Variants in SMAD4 observed in about 807,000 individuals in gnomAD.
SMAD4 encodes MAD homolog 4.
A neutral mutation model predicts 63.2 loss-of-function variants in SMAD4; 7 were observed. The observed-to-expected ratio is 0.11, with a 90% CI of 0.06 to 0.21. The LOEUF is 0.21. SMAD4 is among the 10% of genes least tolerant of loss of function. The pLI is 1.00. For synonymous variants in SMAD4, 215 were observed against 235.4 expected, an observed-to-expected ratio of 0.91 and a Z score of 0.79; for missense variants, 312 against 693.8, an observed-to-expected ratio of 0.45 and a Z score of 6.18.
intron 4 of SMAD4, among the ~76,000 whole-genome samples, chr18:51,050,803 G>A (rs965784829): frequency 9.2e-5 from 14 of 152,086 alleles, no homozygotes; most frequent in Admixed American, 2.6e-4. Context: ...CCAAAATTTA[G>A]GAAGAGTATG....
intron 8 of SMAD4, among the ~76,000 whole-genome samples, chr18:51,062,904 C>G (rs1225134211): frequency 7.3e-6 from 1 of 136,186 alleles, no homozygotes; most frequent in Non-Finnish European, 1.5e-5. Context: ...GTCACCCAGG[C>G]TGGAGTGCAG....
In SMAD4 at chr18:51,078,240, A is replaced by C. The variant is rs1223765408; in HGVS notation, c.1448-16A>C. ...TCACCCTGTCCCTCTGATGTCTTCC[A>C]AATCTTTTCTGTTAGGTCTGTCAGC... On this transcript the variant is annotated splice_polypyrimidine_tract_variant and intron_variant, in intron 11 of 11. Transcript: ENST00000342988. The C allele has an allele frequency of 1.9e-6, 3 of 1,611,450 alleles. No individual in the cohort carries two copies. The highest frequency in any genetic ancestry group is 2.2e-5 in the South Asian group (2 of 91,046).
Position 51,083,998 on chromosome 18 carries a change from GCGCACGCGCGCGCGCACACACACACA to G in SMAD4, c.*5533_*5558del, listed in dbSNP as rs1568213066. On this transcript the variant is annotated 3_prime_UTR_variant, in exon 12 of 12. Coordinates refer to ENST00000342988, the MANE Select transcript of SMAD4 (RefSeq NM_005359.6). ...GCTGCAATAAACACTTAACGCGCGT[GCGCACGCGCGCGCGCACACACACACA>G]CACACACACACACACACACAGGTCA... is the stretch of plus-strand genomic sequence containing the variant. The G allele has an allele frequency of 8.7e-6, 1 of 114,442 alleles. No homozygotes were observed. The highest frequency in any genetic ancestry group is 5.0e-5 in the African/African-American group (1 of 20,134). 7.1% of individuals were successfully genotyped at this position (114,442 alleles called of 1,614,324 possible).
At chr18:51,031,886 T>C (rs992928204) in intron 1 of SMAD4, among the ~76,000 whole-genome samples, 1 of 152,202 alleles carries the variant, frequency 6.6e-6, no homozygotes, top group Admixed American at 6.5e-5. Flanking sequence ...TTCTAAAATG[T>C]AACTTTTTTT....
intron 10 of SMAD4, among the ~76,000 whole-genome samples, chr18:51,074,523 G>A (rs1232996804): frequency 1.3e-5 from 2 of 152,188 alleles, no homozygotes; most frequent in African/African-American, 4.8e-5. Flanking sequence ...TGATAATGAT[G>A]TGTCAGTGTA....
At chr18:51,042,606 T>G (rs1909421463) in intron 1 of SMAD4, among the ~76,000 whole-genome samples, 1 of 151,750 alleles carries the variant, frequency 6.6e-6, no homozygotes. Flanking sequence ...ACCGTGCCTT[T>G]GTTGCCAGGC....
rs1239748562 is a variant in SMAD4 at position 51,080,595 on chromosome 18, G to A, written c.*2128G>A. ...CTTGCTGTGTTGCCCAGGCAGGAGT[G>A]CAGTGGTATGATCTCAGCTCACTGC... On this transcript the variant is annotated 3_prime_UTR_variant, in exon 12 of 12. Transcript: ENST00000342988. 5.4e-6 allele frequency: 1 copy of A among 185,092 alleles called. No homozygotes were observed. Among genetic ancestry groups the A allele is most frequent in the Non-Finnish European group, 1.1e-5 (1 of 87,334 alleles). The allele number at this position is 185,092 out of a possible 1,614,324, so 11.5% of individuals were successfully genotyped here.
chr18:51,048,574 A>G (rs1346957034), intron 2 of SMAD4, 112 bp from the exon 3 acceptor site: 7 of 948,388 alleles, frequency 7.4e-6, no homozygotes, highest in African/African-American at 1.6e-5. Context: ...TTTCTTATTT[A>G]TGAAATGGGG....
intron 10 of SMAD4, among the ~76,000 whole-genome samples, chr18:51,069,550 A>G (rs76096739): frequency 0.03 from 4,528 of 152,164 alleles, 267 homozygotes; most frequent in African/African-American, 0.1. Flanking sequence ...GCTTCACCCT[A>G]TGTGGCAATT....
intron 10 of SMAD4, among the ~76,000 whole-genome samples, chr18:51,076,414 C>CA (rs995981637): frequency 1.2e-4 from 18 of 152,258 alleles, no homozygotes; most frequent in African/African-American, 4.3e-4. Context: ...GTGTGGCAGC[C>CA]AAAGCCATCA....
chr18:51,061,987 A>G (rs1327195135), intron 8 of SMAD4, among the ~76,000 whole-genome samples: 1 of 152,206 alleles, frequency 6.6e-6, no homozygotes, highest in Non-Finnish European at 1.5e-5. Flanking sequence ...TTTCTAGATC[A>G]AAAGGCCATA....
rs1025975410 is a variant in SMAD4 at position 51,084,008 on chromosome 18, G to A, written c.*5541G>A. On this transcript the variant is annotated 3_prime_UTR_variant, in exon 12 of 12. Transcript: ENST00000342988. ...ACACTTAACGCGCGTGCGCACGCGC[G>A]CGCGCACACACACACACACACACAC... 21 of 65,528 alleles carry A rather than the reference G, an allele frequency of 3.2e-4. No homozygotes were observed. Among genetic ancestry groups the A allele is most frequent in the African/African-American group, 1.1e-3 (19 of 17,580 alleles). 4.1% of individuals were successfully genotyped at this position (65,528 alleles called of 1,614,324 possible).
intron 8 of SMAD4, among the ~76,000 whole-genome samples, chr18:51,062,219 G>A (rs919330362): frequency 6.6e-6 from 1 of 152,132 alleles, no homozygotes; most frequent in African/African-American, 2.4e-5. Context: ...AAACATTTTT[G>A]TAGGTCAAGG....
chr18:51,078,637 ATT>A lies in SMAD4; in HGVS notation c.*179_*180del. The A allele has an allele frequency of 1.8e-6, 1 of 556,280 alleles. No homozygotes were observed. Among genetic ancestry groups the A allele is most frequent in the Non-Finnish European group, 3.1e-6 (1 of 317,464 alleles). 34.5% of individuals were successfully genotyped at this position (556,280 alleles called of 1,614,324 possible). A position where few individuals can be genotyped will look rare whatever the true frequency, so the allele number is the denominator to read the frequency against. ...AGCAGACAGAAACTGGATTAAAACA[ATT>A]TTTTTTTTCCTCTTCAGAACTTGTC... On this transcript the variant is annotated 3_prime_UTR_variant, in exon 12 of 12. Transcript: ENST00000342988.
chr18:51,050,570 A>G (rs1229711745), intron 4 of SMAD4, among the ~76,000 whole-genome samples: 1 of 151,266 alleles, frequency 6.6e-6, no homozygotes. Flanking sequence ...GAGGCAGGAG[A>G]ATGGTGTGAA....
In SMAD4 at chr18:51,084,890, G is replaced by C. The variant is rs2282544; in HGVS notation, c.*6423G>C. 0.053 allele frequency: 11,786 copies of C among 221,924 alleles called. 400 individuals are homozygous for C. The highest frequency in any genetic ancestry group is 0.13 in the South Asian group (726 of 5,430). 13.7% of individuals were successfully genotyped at this position (221,924 alleles called of 1,614,324 possible). A position where few individuals can be genotyped will look rare whatever the true frequency, so the allele number is the denominator to read the frequency against. On this transcript the variant is annotated 3_prime_UTR_variant, in exon 12 of 12. Coordinates refer to ENST00000342988, the MANE Select transcript of SMAD4 (RefSeq NM_005359.6). ...AAGAGCCACTCGTAGCTTCTGCTTT[G>C]GGGACAACTGGTCAGTTGAAAGTCC...
At chr18:51,046,292 AT>A (rs1389159554) in intron 1 of SMAD4, among the ~76,000 whole-genome samples, 25 of 152,150 alleles carry the variant, frequency 1.6e-4, no homozygotes, top group Non-Finnish European at 2.8e-4. Context: ...TGATATATCC[AT>A]CTCAGTAGGT....
intron 4 of SMAD4, chr18:51,051,229 A>G: frequency 5.8e-6 from 2 of 347,254 alleles, no homozygotes; most frequent in South Asian, 2.3e-5. Flanking sequence ...TTATTGATGC[A>G]CTGTTATTGA....
At chr18:51,040,285 A>G (rs1165166571) in intron 1 of SMAD4, among the ~76,000 whole-genome samples, 2 of 152,038 alleles carry the variant, frequency 1.3e-5, no homozygotes, top group Non-Finnish European at 1.5e-5. Context: ...TTAGCTGGGC[A>G]TGGTGATGCG....
Sources: allele counts gnomAD v4.1 joint callset (sites outside exome capture counted in the v4.1 genomes callset), GRCh38; gene constraint gnomAD v4.1.1; transcripts MANE v1.5; gene names NCBI Gene and HGNC (gene_info 2026-07-23, HGNC 2026-07-21).